SPAG16: variants seen among roughly 807,000 people sequenced by gnomAD.
The protein encoded by SPAG16 is sperm associated antigen 16.
A neutral mutation model predicts 80.4 loss-of-function variants in SPAG16; 86 were observed. The ratio of observed to expected loss-of-function variants is 1.07; its 90% CI spans 0.90 to 1.28. SPAG16 has a LOEUF of 1.28. Ranked by LOEUF, SPAG16 falls within the 50% of genes most tolerant of loss-of-function variation. The probability of loss-of-function intolerance (pLI) is 0.00; values close to 1 mark genes in which losing one functional copy is unlikely to be tolerated. For missense variants in SPAG16, 870 were observed against 765.3 expected (o/e 1.14, Z -1.61); for synonymous variants, 294 against 265.9 (o/e 1.11, Z -1.03).
chr2:213,322,132 T>C (rs2063641385), intron 5 of SPAG16, among the ~76,000 whole-genome samples: 1 of 150,940 alleles, frequency 6.6e-6, no homozygotes, highest in Admixed American at 6.6e-5. Flanking sequence ...AAAACACCAC[T>C]TAGAATTGTA....
At chr2:213,500,725 G>A (rs2074705853) in intron 10 of SPAG16, among the ~76,000 whole-genome samples, 1 of 152,174 alleles carries the variant, frequency 6.6e-6, no homozygotes, top group African/African-American at 2.4e-5. Context: ...TAGGTAATAG[G>A]TTGAAGGAGT....
At chr2:213,845,711 A>G (rs866669758) in intron 10 of SPAG16, among the ~76,000 whole-genome samples, 1 of 152,222 alleles carries the variant, frequency 6.6e-6, no homozygotes. Flanking sequence ...TCAGTGGCAC[A>G]CAATAGTAAG....
chr2:214,190,179 G>A (rs1419695260), intron 15 of SPAG16, among the ~76,000 whole-genome samples: 1 of 152,082 alleles, frequency 6.6e-6, no homozygotes, highest in African/African-American at 2.4e-5. Flanking sequence ...TCTTTCGTCT[G>A]TGTCTGCCTC....
At chr2:214,108,597 G>A (rs1462065240) in intron 14 of SPAG16, among the ~76,000 whole-genome samples, 4 of 151,904 alleles carry the variant, frequency 2.6e-5, no homozygotes, top group Non-Finnish European at 4.4e-5. Flanking sequence ...AAATAGGTGG[G>A]CTATAGACTG....
intron 10 of SPAG16, among the ~76,000 whole-genome samples, chr2:213,794,290 T>C (rs1420642881): frequency 6.6e-6 from 1 of 152,154 alleles, no homozygotes; most frequent in Middle Eastern, 3.2e-3. Context: ...TATGAGTTTA[T>C]TCAAGAAGTG....
intron 15 of SPAG16, among the ~76,000 whole-genome samples, chr2:214,221,262 CA>C (rs1353130233): frequency 6.6e-6 from 1 of 152,030 alleles, no homozygotes; most frequent in African/African-American, 2.4e-5. Flanking sequence ...TGATCAGAGC[CA>C]ATTACTTTTA....
chr2:213,707,994 T>C (rs2065830947), intron 10 of SPAG16, among the ~76,000 whole-genome samples: 1 of 152,176 alleles, frequency 6.6e-6, no homozygotes. Flanking sequence ...CTATGACATA[T>C]GAGAGTCAGT....
At chr2:214,198,760 C>G (rs1049841262) in intron 15 of SPAG16, among the ~76,000 whole-genome samples, 5 of 152,004 alleles carry the variant, frequency 3.3e-5, no homozygotes, top group African/African-American at 9.7e-5. Context: ...ATATTCATGC[C>G]AACATCTATT....
At chr2:213,579,470 C>T (rs2060231199) in intron 10 of SPAG16, among the ~76,000 whole-genome samples, 1 of 152,050 alleles carries the variant, frequency 6.6e-6, no homozygotes, top group Non-Finnish European at 1.5e-5. Flanking sequence ...AAGAAATGTA[C>T]CTAATAATTG....
intron 3 of SPAG16, among the ~76,000 whole-genome samples, chr2:213,299,129 A>G (rs373630089): frequency 6.6e-5 from 10 of 152,162 alleles, no homozygotes; most frequent in African/African-American, 2.2e-4. Context: ...AGTAATCTCT[A>G]TGCACAGAAC....
chr2:213,433,908 T>C (rs1216668444), intron 9 of SPAG16, among the ~76,000 whole-genome samples: 1 of 140,468 alleles, frequency 7.1e-6, no homozygotes, highest in Non-Finnish European at 1.5e-5. Context: ...TTTTCCTTTT[T>C]CTTTGTCTTT....
At chr2:214,404,869 CG>C (rs1282942256) in intron 15 of SPAG16, among the ~76,000 whole-genome samples, 2 of 151,928 alleles carry the variant, frequency 1.3e-5, no homozygotes, top group African/African-American at 4.8e-5. Flanking sequence ...TTTTAGTTAT[CG>C]GGTACAATTT....
At chr2:213,430,427 CA>C (rs1397733712) in intron 9 of SPAG16, among the ~76,000 whole-genome samples, 1 of 152,298 alleles carries the variant, frequency 6.6e-6, no homozygotes, top group African/African-American at 2.4e-5. Flanking sequence ...TGGCCCAACA[CA>C]AATTCGTAAA....
chr2:213,409,590 T>C, intron 9 of SPAG16, among the ~76,000 whole-genome samples: 1 of 152,206 alleles, frequency 6.6e-6, no homozygotes, highest in Non-Finnish European at 1.5e-5. Context: ...AAAAAGAGTC[T>C]ATAAAATCTT....
intron 15 of SPAG16, among the ~76,000 whole-genome samples, chr2:214,356,551 T>C (rs1420856663): frequency 2.2e-5 from 3 of 134,766 alleles, no homozygotes; most frequent in Non-Finnish European, 5.2e-5. Context: ...CTTTTCTTAT[T>C]TTGGATGTAC....
chr2:213,299,122 A>G (rs2062620390), intron 3 of SPAG16, among the ~76,000 whole-genome samples: 1 of 152,162 alleles, frequency 6.6e-6, no homozygotes, highest in South Asian at 2.1e-4. Flanking sequence ...AGGATACAGT[A>G]ATCTCTATGC....
intron 13 of SPAG16, among the ~76,000 whole-genome samples, chr2:214,082,937 A>G (rs973434416): frequency 6.6e-6 from 1 of 152,166 alleles, no homozygotes; most frequent in Non-Finnish European, 1.5e-5. Context: ...CCATTTACCA[A>G]CATAATCACA....
intron 9 of SPAG16, among the ~76,000 whole-genome samples, chr2:213,450,159 G>A (rs2071599466): frequency 6.6e-6 from 1 of 152,018 alleles, no homozygotes; most frequent in South Asian, 2.1e-4. Flanking sequence ...ACAAAATTAG[G>A]CAGGCATGGT....
rs554686570 is a variant in SPAG16, at chr2:213,789,196, T to A, written c.1071-73289T>A. Among the ~76,000 whole-genome samples, 3 of 152,084 alleles carry A rather than the reference T, an allele frequency of 2.0e-5. No individual in the cohort carries two copies. In the South Asian group the frequency reaches 6.2e-4, roughly 31 times the overall value. Reference sequence around the variant, plus strand: ...TAAGTGTACTCATTTATTTAATTACTTTGAAGTTGGAAGTAAAACCATCCT... The same window carrying A: ...TAAGTGTACTCATTTATTTAATTACATTGAAGTTGGAAGTAAAACCATCCT... On this transcript the variant is annotated intron_variant, in intron 10 of 15. Transcript: ENST00000331683.
Sources: allele counts gnomAD v4.1 joint callset (sites outside exome capture counted in the v4.1 genomes callset), GRCh38; gene constraint gnomAD v4.1.1; transcripts MANE v1.5; gene names NCBI Gene and HGNC (gene_info 2026-07-23, HGNC 2026-07-21).